Variants in ZNF207 observed in about 807,000 individuals in gnomAD.
The protein encoded by ZNF207 is BUB3-interacting and GLEBS motif-containing protein ZNF207.
ZNF207 carries 24 observed loss-of-function variants against 60.2 expected under a neutral mutation model. That is an observed-to-expected ratio of 0.40 (90% confidence interval 0.29 to 0.56). The LOEUF (loss-of-function observed/expected upper bound fraction) is 0.56, where lower values mean the gene tolerates loss of function less well. Ranked by LOEUF, ZNF207 falls within the 20% of genes least tolerant of loss-of-function variation. The probability of loss-of-function intolerance (pLI) is 0.49; values close to 1 mark genes in which losing one functional copy is unlikely to be tolerated. For missense variants in ZNF207, 452 were observed against 636.6 expected (o/e 0.71, Z 3.12); for synonymous variants, 236 against 194.7 (o/e 1.21, Z -1.77).
intron 8 of ZNF207, among the ~76,000 whole-genome samples, chr17:32,366,203 G>GT: frequency 6.6e-6 from 1 of 151,672 alleles, no homozygotes; most frequent in Non-Finnish European, 1.5e-5. Context: ...GCTTTTTTCT[G>GT]TTTGTGGGTG....
At chr17:32,354,775 A>G (rs1271212680) in intron 2 of ZNF207, among the ~76,000 whole-genome samples, 1 of 151,356 alleles carries the variant, frequency 6.6e-6, no homozygotes, top group Non-Finnish European at 1.5e-5. Context: ...CATTGTGCCT[A>G]GCTAATTGTT....
chr17:32,362,815 GTCT>G, intron 6 of ZNF207, 96 bp from the exon 7 acceptor site: 1 of 876,628 alleles, frequency 1.1e-6, no homozygotes, highest in Non-Finnish European at 1.8e-6. Context: ...TCAGATTCAA[GTCT>G]TCTATCTAGT....
intron 1 of ZNF207, 68 bp downstream of exon 1, chr17:32,350,394 G>A (rs1010434113): frequency 1.9e-6 from 3 of 1,603,458 alleles, no homozygotes; most frequent in African/African-American, 1.3e-5. Context: ...GGACTAGGAG[G>A]CCTGGATTTG....
chr17:32,381,436 T>C lies in ZNF207; in HGVS notation c.*11677T>C, dbSNP rs554651146. 6.6e-6 allele frequency: 1 copy of C among 152,356 alleles called. No individual in the cohort carries two copies. The highest frequency in any genetic ancestry group is 1.5e-5 in the Non-Finnish European group (1 of 68,032). 9.4% of individuals were successfully genotyped at this position (152,356 alleles called of 1,614,324 possible). On this transcript the variant is annotated 3_prime_UTR_variant, in exon 12 of 12. Transcript: ENST00000394670. Reference sequence around the variant, plus strand: ...TTAAAATTTAAAGTTCTCACGAATATTAGTGCATCTTGTCACTTTGATTTG... The same window carrying C: ...TTAAAATTTAAAGTTCTCACGAATACTAGTGCATCTTGTCACTTTGATTTG...
intron 2 of ZNF207, among the ~76,000 whole-genome samples, chr17:32,355,121 G>A (rs1223273450): frequency 1.3e-5 from 2 of 152,194 alleles, no homozygotes; most frequent in Admixed American, 6.5e-5. Context: ...GTCTGGCTAG[G>A]TGCGGTGGCT....
Position 32,373,266 on chromosome 17 carries a change from C to G in ZNF207, c.*3507C>G, listed in dbSNP as rs917840337. ...GGGCTCAGAGTGGAATTGTAGTGGA[C>G]AATAGTTAAAAACAAAGCTGCTCCT... On this transcript the variant is annotated 3_prime_UTR_variant, in exon 12 of 12. Coordinates refer to ENST00000394670, the MANE Select transcript of ZNF207 (RefSeq NM_001098507.2). 1 of 519,898 alleles carries G rather than the reference C, an allele frequency of 1.9e-6. No homozygotes were observed. Among genetic ancestry groups the G allele is most frequent in the African/African-American group, 1.9e-5 (1 of 52,268 alleles). 32.2% of individuals were successfully genotyped at this position (519,898 alleles called of 1,614,324 possible). A position where few individuals can be genotyped will look rare whatever the true frequency, so the allele number is the denominator to read the frequency against.
Position 32,377,802 on chromosome 17 carries a change from G to A in ZNF207, c.*8043G>A, listed in dbSNP as rs1905730036. 1 of 151,830 alleles carries A rather than the reference G, an allele frequency of 6.6e-6. No homozygotes were observed. The highest frequency in any genetic ancestry group is 2.4e-5 in the African/African-American group (1 of 41,268). The allele number at this position is 151,830 out of a possible 1,614,324, so 9.4% of individuals were successfully genotyped here. ...CTGTTTAAAAAAAAAAAAAACTAGG[G>A]AAAAGTTTTAAATGTATTAGTATCA... is the stretch of plus-strand genomic sequence containing the variant. On this transcript the variant is annotated 3_prime_UTR_variant, in exon 12 of 12. Transcript: ENST00000394670.
chr17:32,365,737 A>ATT, intron 8 of ZNF207: 1 of 160,036 alleles, frequency 6.2e-6, no homozygotes, highest in Non-Finnish European at 1.3e-5. Context: ...ATTTATTCTT[A>ATT]GTTTTTTTTT....
At position 32,369,463 on chromosome 17, in the gene ZNF207, CT is replaced by C; in HGVS notation, c.1324+14del. 6.2e-7 allele frequency: 1 copy of C among 1,611,660 alleles called. No homozygotes were observed. Among genetic ancestry groups the C allele is most frequent in the South Asian group, 1.1e-5 (1 of 90,848 alleles). ...CCCAATGCCACCTCATGGTATTCCT[CT>C]TTTTATGTTTTTCATATTTAGTGGA... On this transcript the variant is annotated intron_variant, in intron 11 of 11. Coordinates refer to ENST00000394670, the MANE Select transcript of ZNF207 (RefSeq NM_001098507.2).
chr17:32,361,465 C>T lies in ZNF207; in HGVS notation c.552-3C>T, dbSNP rs773863433. ...ATTTTGATTTTGTCATACATTTTCA[C>T]AGATTGCATCATCAGAGAAAATACA... On this transcript the variant is annotated splice_region_variant and splice_polypyrimidine_tract_variant and intron_variant, in intron 5 of 11. Coordinates refer to ENST00000394670, the MANE Select transcript of ZNF207 (RefSeq NM_001098507.2). 6.2e-7 allele frequency: 1 copy of T among 1,607,020 alleles called. No individual in the cohort carries two copies. The highest frequency in any genetic ancestry group is 8.5e-7 in the Non-Finnish European group (1 of 1,176,558).
chr17:32,367,251 A>ATATATATATATT (rs1905216513), intron 9 of ZNF207, among the ~76,000 whole-genome samples: 1 of 88,128 alleles, frequency 1.1e-5, no homozygotes, highest in Non-Finnish European at 2.3e-5. Context: ...ATATATATAT[A>ATATATATATATT]TATATATATA....
rs1905545878 is a variant in ZNF207, at chr17:32,373,261, G to A, written c.*3502G>A. Reference sequence around the variant, plus strand: ...AGTACGGGCTCAGAGTGGAATTGTAGTGGACAATAGTTAAAAACAAAGCTG... The same window carrying A: ...AGTACGGGCTCAGAGTGGAATTGTAATGGACAATAGTTAAAAACAAAGCTG... On this transcript the variant is annotated 3_prime_UTR_variant, in exon 12 of 12. Transcript: ENST00000394670. The A allele has an allele frequency of 1.6e-5, 8 of 499,334 alleles. No individual in the cohort carries two copies. Among genetic ancestry groups the A allele is most frequent in the Non-Finnish European group, 2.9e-5 (8 of 279,782 alleles). 30.9% of individuals were successfully genotyped at this position (499,334 alleles called of 1,614,324 possible).
In ZNF207 at chr17:32,380,874, T is replaced by C. The variant is rs1905854576; in HGVS notation, c.*11115T>C. 6.6e-6 allele frequency: 1 copy of C among 152,058 alleles called. No homozygotes were observed. Among genetic ancestry groups the C allele is most frequent in the Admixed American group, 6.6e-5 (1 of 15,260 alleles). 9.4% of individuals were successfully genotyped at this position (152,058 alleles called of 1,614,324 possible). A position where few individuals can be genotyped will look rare whatever the true frequency, so the allele number is the denominator to read the frequency against. ...CTGGAGGCTGAGGCAGGAAAATCGC[T>C]TGAACCCAGGGGGAGGAGGTTGCAG... On this transcript the variant is annotated 3_prime_UTR_variant, in exon 12 of 12. Transcript: ENST00000394670.
At chr17:32,367,696 G>T in intron 9 of ZNF207, 76 bp from the exon 10 acceptor site, 1 of 1,553,334 alleles carries the variant, frequency 6.4e-7, no homozygotes, top group Non-Finnish European at 8.7e-7. Context: ...TTGATGCCTT[G>T]TTTTAAGTTA....
intron 9 of ZNF207, among the ~76,000 whole-genome samples, chr17:32,367,282 T>TATAA (rs1555608396): frequency 0.017 from 1,437 of 82,386 alleles, 81 homozygotes; most frequent in African/African-American, 0.048. Context: ...TATATATATA[T>TATAA]ATAAAGAATA....
intron 2 of ZNF207, among the ~76,000 whole-genome samples, chr17:32,355,244 G>A (rs1904438248): frequency 6.6e-6 from 1 of 152,118 alleles, no homozygotes; most frequent in African/African-American, 2.4e-5. Flanking sequence ...AAAATGCAAA[G>A]TTGGGCATGG....
chr17:32,368,632 G>A lies in ZNF207; in HGVS notation c.1164+618G>A, dbSNP rs1905311125. 3.3e-5 allele frequency among the ~76,000 whole-genome samples: 5 copies of A among 150,932 alleles called. No individual in the cohort carries two copies. In the South Asian group the frequency reaches 8.4e-4, roughly 25 times the overall value. On this transcript the variant is annotated intron_variant, in intron 10 of 11. Coordinates refer to ENST00000394670, the MANE Select transcript of ZNF207 (RefSeq NM_001098507.2). ...GTTGAACTTGGGAGGCGGAGGTTGC[G>A]TTGAGCCAAGATTGCACCACTGCAC...
At position 32,369,428 on chromosome 17, in the gene ZNF207, G is replaced by A. The variant is rs757074319; in HGVS notation, c.1298G>A (p.Gly433Glu). 8.7e-6 allele frequency: 14 copies of A among 1,614,036 alleles called. No individual in the cohort carries two copies. Among genetic ancestry groups the A allele is most frequent in the Non-Finnish European group, 1.2e-5 (14 of 1,180,034 alleles). Residue 433 changes from glycine (G) to glutamate (E), a missense_variant, in exon 11 of 12, where the codon GGA becomes GAA. This residue lies in a region of ZNF207 where 390 missense variants were observed against 461.4 expected (regional missense o/e 0.85). Coordinates refer to ENST00000394670, the MANE Select transcript of ZNF207 (RefSeq NM_001098507.2). ...PPQPGIPQQQ[G>E]MRPPMPPHGQ... ...CAGCCAGGCATCCCACAGCAACAAG[G>A]AATGAGACCCCCAATGCCACCTCAT... is the stretch of plus-strand genomic sequence containing the variant.
Position 32,371,885 on chromosome 17 carries a change from A to C in ZNF207, c.*2126A>C, listed in dbSNP as rs1318305008. On this transcript the variant is annotated 3_prime_UTR_variant, in exon 12 of 12. Coordinates refer to ENST00000394670, the MANE Select transcript of ZNF207 (RefSeq NM_001098507.2). ...TCTGCCAGCAGCCAAGTCCCAAACC[A>C]CTTTCCCCTCTGAACCTCTGCTTAC... 1 of 152,176 alleles carries C rather than the reference A, an allele frequency of 6.6e-6. No homozygotes were observed. The highest frequency in any genetic ancestry group is 1.9e-4 in the East Asian group (1 of 5,196). 9.4% of individuals were successfully genotyped at this position (152,176 alleles called of 1,614,324 possible).
Sources: gnomAD v4.1 joint callset for allele counts (sites outside exome capture counted in the v4.1 genomes callset) on GRCh38, gnomAD v4.1.1 for gene constraint, gnomAD v4.1.1 regional missense constraint, MANE v1.5 for transcripts, NCBI Gene and HGNC (gene_info 2026-07-23, HGNC 2026-07-21) for gene names.